PKHD1: variants seen among roughly 807,000 people sequenced by gnomAD.
PKHD1 encodes the protein PKHD1 ciliary IPT domain containing fibrocystin/polyductin.
A neutral mutation model predicts 412.0 loss-of-function variants in PKHD1; 291 were observed. That is an observed-to-expected ratio of 0.71 (90% CI 0.64 to 0.78). PKHD1 has a LOEUF of 0.78. Ranked by LOEUF, PKHD1 falls within the 30% of genes least tolerant of loss-of-function variation. PKHD1 has a pLI of 0.00. For synonymous variants in PKHD1, 1,777 were observed against 1,821.5 expected, an observed-to-expected ratio of 0.98 and a Z score of 0.62; for missense variants, 4,825 against 4,950.7, an observed-to-expected ratio of 0.97 and a Z score of 0.76.
rs1359703040 is a variant in PKHD1, at chr6:51,879,187, G to C, written c.7350+3906C>G. On this transcript the variant is annotated intron_variant, in intron 46 of 66. Coordinates refer to ENST00000371117, the MANE Select transcript of PKHD1 (RefSeq NM_138694.4). ...TCAATATCGTGAAAATGGCCATACT[G>C]CCCAAGGTAATTTACAGATTCAATG... Among the ~76,000 whole-genome samples the C allele has an allele frequency of 1.3e-4, 7 of 54,220 alleles. 1 individual carries two copies. Among genetic ancestry groups the C allele is most frequent in the Non-Finnish European group, 2.3e-4 (7 of 30,740 alleles). 35.6% of individuals were successfully genotyped at this position (54,220 alleles called of 152,430 possible).
intron 36 of PKHD1, among the ~76,000 whole-genome samples, chr6:51,937,754 A>T (rs1253667881): frequency 1.3e-5 from 2 of 152,200 alleles, no homozygotes; most frequent in Non-Finnish European, 2.9e-5. Flanking sequence ...TTTCACCCTC[A>T]GAAGATTAAG....
rs956896090 is a variant in PKHD1 at position 52,079,790 on chromosome 6, C to T, written c.390+110G>A. ...CTCTGTCATTACCATCCACCATTTT[C>T]TTTTAACCCGGTCAAGCAGACACGC... is the stretch of plus-strand genomic sequence containing the variant. On this transcript the variant is annotated intron_variant, in intron 5 of 66. Coordinates refer to ENST00000371117, the MANE Select transcript of PKHD1 (RefSeq NM_138694.4). The T allele has an allele frequency of 2.8e-5, 22 of 777,160 alleles. No homozygotes were observed. In the Admixed American group the frequency reaches 3.6e-4, roughly 13 times the overall value. The allele number at this position is 777,160 out of a possible 1,614,324, so 48.1% of individuals were successfully genotyped here. A position where few individuals can be genotyped will look rare whatever the true frequency, so the allele number is the denominator to read the frequency against.
At position 51,856,089 on chromosome 6, in the gene PKHD1, G is replaced by GA. The variant is rs201176305; in HGVS notation, c.7734-20dup. The GA allele has an allele frequency of 1.0e-3, 1,482 of 1,448,054 alleles. 13 individuals are homozygous for GA. In the African/African-American group the frequency reaches 0.01, roughly 10 times the overall value. The allele number at this position is 1,448,054 out of a possible 1,614,324, so 89.7% of individuals were successfully genotyped here. A position where few individuals can be genotyped will look rare whatever the true frequency, so the allele number is the denominator to read the frequency against. Reference sequence around the variant, plus strand: ...ATTCGCTCTAAGGTGATTTTAAAAGGAAAAAAAATGGGTTGAGAGATTATT... The same window carrying GA: ...ATTCGCTCTAAGGTGATTTTAAAAGGAAAAAAAAATGGGTTGAGAGATTATT... On this transcript the variant is annotated intron_variant, in intron 48 of 66. Transcript: ENST00000371117.
chr6:51,727,962 C>T (rs945327402), intron 60 of PKHD1, among the ~76,000 whole-genome samples: 1 of 152,164 alleles, frequency 6.6e-6, no homozygotes, highest in Non-Finnish European at 1.5e-5. Context: ...TATAACACAT[C>T]TATGTAACCT....
At position 52,054,146 on chromosome 6, in the gene PKHD1, C is replaced by G; in HGVS notation, c.1856G>C (p.Gly619Ala). 6.2e-7 allele frequency: 1 copy of G among 1,613,906 alleles called. No homozygotes were observed. The highest frequency in any genetic ancestry group is 2.2e-5 in the East Asian group (1 of 44,880). Residue 619 changes from glycine to alanine, a missense_variant, in exon 20 of 67, where the codon GGC becomes GCC. Gly to Ala is a moderately conservative substitution (Grantham distance 60). Transcript: ENST00000371117. ...CATCTTCAGGATCTTGTTCATGTGG[C>G]CTTTGTATGCAAGACACAGCTATGG... ...QYTHLCLAYK[G>A]HMNKILKMIV...
At chr6:51,711,042 T>G (rs1212627961) in intron 60 of PKHD1, among the ~76,000 whole-genome samples, 1 of 152,190 alleles carries the variant, frequency 6.6e-6, no homozygotes, top group African/African-American at 2.4e-5. Context: ...AAGCTAACAG[T>G]GTCCTGCCTT....
chr6:51,747,838 A>G lies in PKHD1; in HGVS notation c.9778T>C (p.Trp3260Arg). The change falls in exon 58 of 67, where the codon TGG becomes CGG. Residue 3260 changes from tryptophan to arginine, a missense_variant. Transcript: ENST00000371117. ...GAATGATCATTCCTCACTTTGTGCC[A>G]TGGCTCCTGAGGCCACTGATTTGGT... ...SEPNQWPQEP[W>R]HKVRNDHSIS... is the part of the protein sequence containing the mutation. 6.2e-7 allele frequency: 1 copy of G among 1,613,894 alleles called. No individual in the cohort carries two copies. The highest frequency in any genetic ancestry group is 8.5e-7 in the Non-Finnish European group (1 of 1,179,830).
intron 36 of PKHD1, among the ~76,000 whole-genome samples, chr6:51,941,944 C>T (rs1397296330): frequency 1.3e-5 from 2 of 151,508 alleles, no homozygotes; most frequent in Non-Finnish European, 1.5e-5. Context: ...CCTATCATGG[C>T]GTAATTCTCA....
At chr6:51,690,115 T>C (rs1000215331) in intron 60 of PKHD1, among the ~76,000 whole-genome samples, 11 of 151,268 alleles carry the variant, frequency 7.3e-5, no homozygotes, top group African/African-American at 2.7e-4. Context: ...CTACTAAAAA[T>C]ACAAAAATTA....
At chr6:51,817,287 G>A (rs1304204112) in intron 52 of PKHD1, among the ~76,000 whole-genome samples, 3 of 151,952 alleles carry the variant, frequency 2.0e-5, no homozygotes, top group African/African-American at 7.3e-5. Context: ...CAAAATGTGT[G>A]TCATCATAGG....
intron 60 of PKHD1, among the ~76,000 whole-genome samples, chr6:51,715,748 G>T (rs886459672): frequency 7.2e-5 from 11 of 152,142 alleles, no homozygotes; most frequent in Admixed American, 1.3e-4. Context: ...ACAGATTAGG[G>T]TGAGGAATGT....
Position 52,043,022 on chromosome 6 carries a change from C to T in PKHD1, c.2934G>A (p.Gln978=), listed in dbSNP as rs536715802. ...KTSCKVIFSN[Q]TNVVCQTDLL... ...AATCTGTCTGACAGACTACATTGGTCTGGTTTGAGAAAATAACTTTGCAAC... is the reference window on the plus strand; with the variant it reads ...AATCTGTCTGACAGACTACATTGGTTTGGTTTGAGAAAATAACTTTGCAAC... The change falls in exon 27 of 67, where the codon CAG becomes CAA. Residue 978 remains glutamine (Q), a synonymous_variant. Coordinates refer to ENST00000371117, the MANE Select transcript of PKHD1 (RefSeq NM_138694.4). 543 of 1,614,066 alleles carry T rather than the reference C, an allele frequency of 3.4e-4. 6 individuals carry two copies. The South Asian group carries it at 5.6e-3, about 17-fold the overall frequency.
chr6:52,043,283 G>T, intron 26 of PKHD1, 149 bp from the exon 27 acceptor site: 1 of 677,100 alleles, frequency 1.5e-6, no homozygotes. Flanking sequence ...ATTAAATATT[G>T]GCCATCTGTA....
chr6:51,836,604 G>T (rs1769271324), intron 50 of PKHD1, 135 bp from the exon 51 acceptor site: 2 of 691,748 alleles, frequency 2.9e-6, no homozygotes, highest in African/African-American at 3.6e-5. Flanking sequence ...TGAAATCCTT[G>T]TTAGTTAATC....
Position 51,867,981 on chromosome 6 carries a change from T to C in PKHD1, c.7615A>G (p.Ile2539Val). 1.2e-6 allele frequency: 2 copies of C among 1,613,602 alleles called. No homozygotes were observed. The highest frequency in any genetic ancestry group is 1.7e-6 in the Non-Finnish European group (2 of 1,179,578). ...GSLSGKNRSH[I>V]LASMETLSAS... ...GAAAGGGTTTCCATAGAAGCAAGAA[T>C]GTGACTTCTGTTTTTCCCAGACAGA... The change falls in exon 48 of 67, where the codon ATT (isoleucine) becomes GTT (valine). Residue 2539 changes from isoleucine (I) to valine (V), a missense_variant. Ile to Val is a conservative substitution (Grantham distance 29, BLOSUM62 3). Transcript: ENST00000371117.
chr6:52,080,146 C>T, intron 4 of PKHD1, 138 bp from the exon 5 acceptor site: 1 of 687,202 alleles, frequency 1.5e-6, no homozygotes, highest in Non-Finnish European at 2.7e-6. Flanking sequence ...CACCTTTCAC[C>T]TCTTTGATCC....
At chr6:51,788,708 G>T (rs571052827) in intron 53 of PKHD1, among the ~76,000 whole-genome samples, 3 of 150,278 alleles carry the variant, frequency 2.0e-5, no homozygotes, top group Admixed American at 1.3e-4. Context: ...GAGCCCTAGG[G>T]TATACCTCAT....
At chr6:52,018,609 G>T (rs1033461144) in intron 33 of PKHD1, among the ~76,000 whole-genome samples, 10 of 152,114 alleles carry the variant, frequency 6.6e-5, no homozygotes, top group Admixed American at 5.9e-4. Context: ...CGCCTCCCGG[G>T]TTCAAGCAAT....
intron 36 of PKHD1, among the ~76,000 whole-genome samples, chr6:51,944,896 G>C (rs906996623): frequency 1.3e-5 from 2 of 152,164 alleles, no homozygotes; most frequent in African/African-American, 4.8e-5. Context: ...ACATCTCTCT[G>C]TTACTGGTCC....
Sources: gnomAD v4.1 joint callset for allele counts (sites outside exome capture counted in the v4.1 genomes callset) on GRCh38, gnomAD v4.1.1 for gene constraint, MANE v1.5 for transcripts, NCBI Gene and HGNC (gene_info 2026-07-23, HGNC 2026-07-21) for gene names.